RNF6: variants seen among roughly 807,000 people sequenced by gnomAD.
The protein encoded by RNF6 is ring finger protein 6, also known as E3 ubiquitin-protein ligase RNF6.
Under a neutral mutation model 50.1 loss-of-function variants are expected in RNF6, and 21 were observed. The ratio of observed to expected loss-of-function variants is 0.42; its 90% CI spans 0.30 to 0.60. The LOEUF (loss-of-function observed/expected upper bound fraction) is 0.60. Ranked by LOEUF, RNF6 falls within the 20% of genes least tolerant of loss-of-function variation. The probability of loss-of-function intolerance (pLI) is 0.20; values close to 1 mark genes in which losing one functional copy is unlikely to be tolerated. For missense variants in RNF6, 698 were observed against 838.2 expected (o/e 0.83, Z 2.07); for synonymous variants, 255 against 291.8 (o/e 0.87, Z 1.29).
chr13:26,187,352 A>T (rs1164137171), intron 5 of RNF6, among the ~76,000 whole-genome samples: 2 of 152,162 alleles, frequency 1.3e-5, no homozygotes, highest in African/African-American at 4.8e-5. Context: ...GGCCTTGGGG[A>T]TCGCGGAGCA....
chr13:26,188,327 C>T (rs914623341), intron 5 of RNF6, among the ~76,000 whole-genome samples: 3 of 152,228 alleles, frequency 2.0e-5, no homozygotes, highest in African/African-American at 7.2e-5. Flanking sequence ...CTCCACCCCA[C>T]TTGTGACAGA....
At chr13:26,178,076 C>G (rs895594939) in intron 5 of RNF6, among the ~76,000 whole-genome samples, 1 of 152,180 alleles carries the variant, frequency 6.6e-6, no homozygotes, top group Non-Finnish European at 1.5e-5. Flanking sequence ...GTAATCCCAG[C>G]TACTCAGGAG....
At chr13:26,174,189 G>A (rs1406866670) in intron 5 of RNF6, among the ~76,000 whole-genome samples, 1 of 151,920 alleles carries the variant, frequency 6.6e-6, no homozygotes, top group African/African-American at 2.4e-5. Context: ...TGGCCATTTA[G>A]GACTCAGGCC....
chr13:26,220,649 G>A (rs1273537935), intron 2 of RNF6, among the ~76,000 whole-genome samples: 1 of 152,114 alleles, frequency 6.6e-6, no homozygotes, highest in Non-Finnish European at 1.5e-5. Flanking sequence ...TCCAGGGTAG[G>A]ACCAGGTCTG....
At chr13:26,158,621 A>G (rs1872058210) in intron 5 of RNF6, among the ~76,000 whole-genome samples, 1 of 152,150 alleles carries the variant, frequency 6.6e-6, no homozygotes. Context: ...GATTTGCATG[A>G]CATTGCTGAG....
intron 3 of RNF6, among the ~76,000 whole-genome samples, chr13:26,218,944 C>T (rs1401198295): frequency 6.6e-6 from 1 of 152,030 alleles, no homozygotes; most frequent in Non-Finnish European, 1.5e-5. Flanking sequence ...ATAGAGAAAA[C>T]TTCAAATATT....
intron 2 of RNF6, 60 bp from the exon 3 acceptor site, chr13:26,219,727 T>C: frequency 2.1e-6 from 3 of 1,407,688 alleles, no homozygotes; most frequent in Non-Finnish European, 2.9e-6. Context: ...TTTGGCTTTG[T>C]ATTTTTAACT....
intron 5 of RNF6, among the ~76,000 whole-genome samples, chr13:26,141,109 C>T (rs549078101): frequency 3.3e-5 from 5 of 152,114 alleles, no homozygotes; most frequent in Non-Finnish European, 7.4e-5. Flanking sequence ...TCATTTTTCA[C>T]GGAATTAGAA....
chr13:26,209,102 T>G (rs10507350), downstream of RNF6, among the ~76,000 whole-genome samples: 1 of 152,144 alleles, frequency 6.6e-6, no homozygotes, highest in Non-Finnish European at 1.5e-5. Context: ...TTAAGGAAAG[T>G]GTATTGTCAA....
At chr13:26,176,925 C>T (rs1872982378) in intron 5 of RNF6, among the ~76,000 whole-genome samples, 1 of 152,156 alleles carries the variant, frequency 6.6e-6, no homozygotes, top group Admixed American at 6.5e-5. Flanking sequence ...CAGAGTGAGA[C>T]TCGGTCTCAA....
intron 5 of RNF6, among the ~76,000 whole-genome samples, chr13:26,161,513 T>G (rs1156770234): frequency 2.0e-5 from 3 of 152,218 alleles, no homozygotes; most frequent in Non-Finnish European, 4.4e-5. Context: ...GTTTTTGTTT[T>G]ATTTTTGAAA....
At position 26,188,586 on chromosome 13, in the gene RNF6, CT is replaced by C. The variant is rs1451779508; in HGVS notation, n.768+26887del. Among the ~76,000 whole-genome samples the C allele has an allele frequency of 3.0e-5, 4 of 134,178 alleles. No individual in the cohort carries two copies. In the East Asian group the frequency reaches 8.3e-4, roughly 28 times the overall value. 88.0% of individuals were successfully genotyped at this position (134,178 alleles called of 152,430 possible). ...GGTGAAAGCTGCAGCTGTTCTCTCC[CT>C]TTTAGTGGGGGCTTTAGTTGGACAA... is the stretch of plus-strand genomic sequence containing the variant. On this transcript the variant is annotated intron_variant and non_coding_transcript_variant, in intron 5 of 5. Coordinates refer to the RNF6 transcript ENST00000468480.
At chr13:26,211,472 A>G (rs1390311145), downstream of RNF6, among the ~76,000 whole-genome samples, 3 of 152,170 alleles carry the variant, frequency 2.0e-5, no homozygotes, top group Non-Finnish European at 4.4e-5. Context: ...TATAAGAAAT[A>G]AACGGGCCAG....
At chr13:26,133,891 A>G (rs1352578661) in intron 5 of RNF6, among the ~76,000 whole-genome samples, 2 of 152,056 alleles carry the variant, frequency 1.3e-5, no homozygotes, top group African/African-American at 4.8e-5. Flanking sequence ...CTGGTTTTTG[A>G]TATATATGAC....
chr13:26,179,654 T>A (rs1004010985), intron 5 of RNF6, among the ~76,000 whole-genome samples: 6 of 152,154 alleles, frequency 3.9e-5, no homozygotes, highest in African/African-American at 1.2e-4. Flanking sequence ...CCATTCAGGG[T>A]CCTGTCCTCC....
chr13:26,152,351 C>A (rs572955774), intron 5 of RNF6, among the ~76,000 whole-genome samples: 5 of 152,286 alleles, frequency 3.3e-5, no homozygotes, highest in Admixed American at 2.6e-4. Context: ...GCGCTGTGCC[C>A]AGAGGTCTTC....
intron 5 of RNF6, among the ~76,000 whole-genome samples, chr13:26,172,632 C>T (rs1299698844): frequency 6.6e-6 from 1 of 151,916 alleles, no homozygotes; most frequent in South Asian, 2.1e-4. Context: ...AAAGCTCTGC[C>T]TGCCGGGTTC....
intron 5 of RNF6, among the ~76,000 whole-genome samples, chr13:26,137,977 A>G (rs1440115810): frequency 6.6e-6 from 1 of 152,170 alleles, no homozygotes; most frequent in African/African-American, 2.4e-5. Context: ...GATGGAAAGC[A>G]TTAATCTACA....
chr13:26,200,825 A>G (rs1868871364), intron 5 of RNF6, among the ~76,000 whole-genome samples: 1 of 152,206 alleles, frequency 6.6e-6, no homozygotes, highest in African/African-American at 2.4e-5. Flanking sequence ...TTGCTGCCCC[A>G]TTCAGATACA....
Sources: gnomAD v4.1 joint callset for allele counts (sites outside exome capture counted in the v4.1 genomes callset) on GRCh38, gnomAD v4.1.1 for gene constraint, MANE v1.5 for transcripts, NCBI Gene and HGNC (gene_info 2026-07-23, HGNC 2026-07-21) for gene names.